The following CELSR1 variants were observed in gnomAD, a reference collection of about 807,000 sequenced individuals.
CELSR1 encodes the protein cadherin EGF LAG seven-pass G-type receptor 1.
A neutral mutation model predicts 249.1 loss-of-function variants in CELSR1; 110 were observed. That is an observed-to-expected ratio of 0.44 (90% confidence interval 0.38 to 0.52). The LOEUF is 0.52. CELSR1 is among the 20% of genes least tolerant of loss of function. The pLI is 0.00. For synonymous variants in CELSR1, 2,113 were observed against 1,900.0 expected (o/e 1.11, Z -2.92); for missense variants, 4,109 against 4,296.4 (o/e 0.96, Z 1.22).
At chr22:46,450,085 C>T (rs2079866338) in intron 2 of CELSR1, among the ~76,000 whole-genome samples, 1 of 152,240 alleles carries the variant, frequency 6.6e-6, no homozygotes, top group African/African-American at 2.4e-5. Context: ...GCAAGGCCCC[C>T]ACCGGAGATA....
chr22:46,399,827 G>A lies in CELSR1; in HGVS notation c.5302C>T (p.Arg1768Trp), dbSNP rs765032369. ...TGGTGCCACTCCCCGTCGGTCACCC[G>A]CAACCCGGACAGCATCACGGACTCC... is the stretch of plus-strand genomic sequence containing the variant. ...DVESVMLSGL[R>W]VTDGEWHHLL... is the part of the protein sequence containing the mutation. The change falls in exon 10 of 35, where the codon CGG becomes TGG. Residue 1768 changes from arginine (R) to tryptophan (W), a missense_variant. Transcript: ENST00000674500. The surrounding 1 kb of genome is among the most constrained non-coding windows in gnomAD (Gnocchi z 5.0). 3.1e-6 allele frequency: 5 copies of A among 1,613,996 alleles called. No individual in the cohort carries two copies. Among genetic ancestry groups the A allele is most frequent in the Admixed American group, 1.7e-5 (1 of 59,996 alleles).
chr22:46,435,125 T>A lies in CELSR1; in HGVS notation c.4522+1049A>T, dbSNP rs193128460. Reference sequence around the variant, plus strand: ...ATGTTTAATGGCCTTGTCGATATATTTTTTTTAAAAGAGACAGAGTCTCGC... The same window carrying A: ...ATGTTTAATGGCCTTGTCGATATATATTTTTTAAAAGAGACAGAGTCTCGC... On this transcript the variant is annotated intron_variant, in intron 4 of 34. Transcript: ENST00000674500. 1.1e-3 allele frequency among the ~76,000 whole-genome samples: 162 copies of A among 152,064 alleles called. 1 individual carries two copies. The highest frequency in any genetic ancestry group is 3.4e-3 in the Middle Eastern group (1 of 294).
rs770227748 is a variant in CELSR1, at chr22:46,396,678, G to A, written c.5770C>T (p.Arg1924Cys). 2.7e-5 allele frequency: 43 copies of A among 1,612,476 alleles called. No homozygotes were observed. Among genetic ancestry groups the A allele is most frequent in the East Asian group, 6.7e-5 (3 of 44,828 alleles). The part of the protein sequence containing the change: ...NPCENMGACV[R>C]SPGSPQGYVC... ...TAGCCCTGCGGGGAGCCGGGGGAGC[G>A]CACGCAGGCCCCCATGTTCTCGCAG... Residue 1924 changes from arginine (R) to cysteine (C), a missense_variant, in exon 13 of 35, where the codon CGC becomes TGC. Transcript: ENST00000674500. The surrounding 1 kb of genome is among the most constrained non-coding windows in gnomAD (Gnocchi z 6.4).
At chr22:46,491,780 G>A (rs928955691) in intron 1 of CELSR1, among the ~76,000 whole-genome samples, 1 of 151,188 alleles carries the variant, frequency 6.6e-6, no homozygotes, top group Non-Finnish European at 1.5e-5. Flanking sequence ...GATTACAGGC[G>A]CACACGCCAC....
chr22:46,537,308 G>A lies in CELSR1; in HGVS notation c.-138C>T, dbSNP rs2080869850. 1 of 951,780 alleles carries A rather than the reference G, an allele frequency of 1.1e-6. No homozygotes were observed. The highest frequency in any genetic ancestry group is 1.3e-6 in the Non-Finnish European group (1 of 796,726). 59.0% of individuals were successfully genotyped at this position (951,780 alleles called of 1,614,324 possible). ...GCGGTCCGCGTCCCGCCTCCCCGGGGGCCCTGGCGGGGACTGTGGGGACCA... is the reference window on the plus strand; with the variant it reads ...GCGGTCCGCGTCCCGCCTCCCCGGGAGCCCTGGCGGGGACTGTGGGGACCA... On this transcript the variant is annotated 5_prime_UTR_variant, in exon 1 of 35. Transcript: ENST00000674500. This position sits in a 1 kb window ranked among gnomAD's most constrained non-coding sequence, Gnocchi z 5.8.
At chr22:46,519,234 G>T (rs955553924) in intron 1 of CELSR1, among the ~76,000 whole-genome samples, 2 of 152,168 alleles carry the variant, frequency 1.3e-5, no homozygotes, top group African/African-American at 2.4e-5. Flanking sequence ...ACACCACTGT[G>T]ATGTTCTAAA....
rs755462987 is a variant in CELSR1 at position 46,463,881 on chromosome 22, G to A, written c.4009C>T (p.Leu1337Phe). 1.9e-6 allele frequency: 3 copies of A among 1,613,190 alleles called. No individual in the cohort carries two copies. Among genetic ancestry groups the A allele is most frequent in the Admixed American group, 3.3e-5 (2 of 59,964 alleles). ...SAPFLSSTTVLFRPIHPINGL... is the reference protein window; with the variant it reads ...SAPFLSSTTVFFRPIHPINGL... ...TTGATGGGGTGGATGGGCCGGAAGAGCACGGTGGTGGAGCTGAGGAAGGGC... is the reference window on the plus strand; with the variant it reads ...TTGATGGGGTGGATGGGCCGGAAGAACACGGTGGTGGAGCTGAGGAAGGGC... The change falls in exon 2 of 35, where the codon CTC becomes TTC. Residue 1337 changes from leucine to phenylalanine, a missense_variant. Leu to Phe is a conservative substitution (Grantham distance 22). Transcript: ENST00000674500.
chr22:46,439,499 C>T lies in CELSR1; in HGVS notation c.4184-88G>A, dbSNP rs953092062. The T allele has an allele frequency of 3.8e-6, 4 of 1,063,198 alleles. No homozygotes were observed. In the African/African-American group the frequency reaches 6.3e-5, roughly 17 times the overall value. 65.9% of individuals were successfully genotyped at this position (1,063,198 alleles called of 1,614,324 possible). A position where few individuals can be genotyped will look rare whatever the true frequency, so the allele number is the denominator to read the frequency against. On this transcript the variant is annotated intron_variant, in intron 2 of 34. Coordinates refer to ENST00000674500, the MANE Select transcript of CELSR1 (RefSeq NM_001378328.1). Reference sequence around the variant, plus strand: ...GCCTGTCGCAGACCCTGGACACACCCCAGCCACACAGTCAGCTGCTGAAAG... The same window carrying T: ...GCCTGTCGCAGACCCTGGACACACCTCAGCCACACAGTCAGCTGCTGAAAG...
rs776041894 is a variant in CELSR1, at chr22:46,367,839, C to T, written c.7969G>A (p.Ala2657Thr). The T allele has an allele frequency of 1.8e-5, 29 of 1,610,378 alleles. No homozygotes were observed. The highest frequency in any genetic ancestry group is 2.7e-5 in the African/African-American group (2 of 75,022). ...KKGIVSLLRTAFLLLLLISAT... is the reference protein window; with the variant it reads ...KKGIVSLLRTTFLLLLLISAT... ...CTGATGAGCAGCAGCAGGAGGAATG[C>T]GGTCCTCAGCAGGGAGCTGCGGGAG... Residue 2657 changes from alanine (A) to threonine (T), a missense_variant, in exon 28 of 35, where the codon GCA (alanine) becomes ACA (threonine). Physicochemically the swap from Ala to Thr is moderately conservative, Grantham distance 58. Coordinates refer to ENST00000674500, the MANE Select transcript of CELSR1 (RefSeq NM_001378328.1).
chr22:46,378,409 G>A (rs1362888347), intron 23 of CELSR1, among the ~76,000 whole-genome samples, 182 bp downstream of exon 23: 6 of 152,162 alleles, frequency 3.9e-5, no homozygotes, highest in Admixed American at 1.3e-4. Flanking sequence ...TGTTTTAATC[G>A]GTTGATTTGT....
At chr22:46,475,763 C>T (rs1374843201) in intron 1 of CELSR1, among the ~76,000 whole-genome samples, 4 of 152,154 alleles carry the variant, frequency 2.6e-5, no homozygotes, top group Non-Finnish European at 4.4e-5. Context: ...ACATAATCTT[C>T]GATAACACTT....
At chr22:46,419,766 ACACT>A (rs2068399612) in intron 5 of CELSR1, among the ~76,000 whole-genome samples, 1 of 148,240 alleles carries the variant, frequency 6.7e-6, no homozygotes, top group South Asian at 2.2e-4. Flanking sequence ...CCACACGTGC[ACACT>A]CACCACTCAC....
chr22:46,533,033 G>A (rs1185400715), intron 1 of CELSR1, among the ~76,000 whole-genome samples: 1 of 152,174 alleles, frequency 6.6e-6, no homozygotes, highest in South Asian at 2.1e-4. Context: ...AGGAGCAGAA[G>A]CCAAGATCAA....
Position 46,380,861 on chromosome 22 carries a change from G to A in CELSR1, c.7183C>T (p.Leu2395=), listed in dbSNP as rs142315389. The change falls in exon 22 of 35, where the codon CTG becomes TTG. Residue 2395 remains leucine (L), a synonymous_variant. Transcript: ENST00000674500. The surrounding 1 kb of genome is among the most constrained non-coding windows in gnomAD (Gnocchi z 5.1). ...ACCTCCAGCAGGGCGAACTCCACCA[G>A]GACGGGCCTCTCCAGGGGTCTCGGG... ...PLPRPLERPV[L]VEFALLEVEE... 2.6e-4 allele frequency: 420 copies of A among 1,612,834 alleles called. No individual in the cohort carries two copies. The African/African-American group carries it at 4.8e-3, about 18-fold the overall frequency.
chr22:46,414,117 C>A (rs894961506), intron 5 of CELSR1, among the ~76,000 whole-genome samples: 1 of 152,166 alleles, frequency 6.6e-6, no homozygotes, highest in African/African-American at 2.4e-5. Flanking sequence ...GCTTGTTTTT[C>A]GAGTGGCACT....
Position 46,372,951 on chromosome 22 carries a change from C to T in CELSR1, c.7691G>A (p.Arg2564His), listed in dbSNP as rs376660692. The T allele has an allele frequency of 3.1e-6, 5 of 1,613,332 alleles. No homozygotes were observed. The highest frequency in any genetic ancestry group is 4.2e-6 in the Non-Finnish European group (5 of 1,179,864). The change falls in exon 25 of 35, where the codon CGC becomes CAC. Residue 2564 changes from arginine (R) to histidine (H), a missense_variant. By Grantham distance (29) the Arg-to-His change is conservative. Transcript: ENST00000674500. Reference sequence around the variant, plus strand: ...CCGCATGGGCCCCGTGTCGATGTTGCGCACCTCGGTCAGCATGCGGTAGAC... The same window carrying T: ...CCGCATGGGCCCCGTGTCGATGTTGTGCACCTCGGTCAGCATGCGGTAGAC... ...LHVYRMLTEV[R>H]NIDTGPMRFY...
In CELSR1 at chr22:46,471,521, C is replaced by A. The variant is rs1267634621; in HGVS notation, c.3545-7176G>T. On this transcript the variant is annotated intron_variant, in intron 1 of 34. Coordinates refer to ENST00000674500, the MANE Select transcript of CELSR1 (RefSeq NM_001378328.1). This position sits in a 1 kb window ranked among gnomAD's most constrained non-coding sequence, Gnocchi z 4.9. ...CCTCCTGCCTCAGCCTCCTGAGAAG[C>A]TAGGACTACAGGAGCATGCCACCAT... 6.6e-6 allele frequency among the ~76,000 whole-genome samples: 1 copy of A among 152,122 alleles called. No homozygotes were observed. The highest frequency in any genetic ancestry group is 2.4e-5 in the African/African-American group (1 of 41,456).
rs775463896 is a variant in CELSR1 at position 46,397,726 on chromosome 22, G to C, written c.5649C>G (p.Pro1883=). Residue 1883 remains proline, a synonymous_variant, in exon 12 of 35, where the codon CCC becomes CCG. Transcript: ENST00000674500. The stretch of plus-strand genomic sequence containing the variant: ...CCCAGGCGTCGTGGCAGCGGCTATT[G>C]GGGGGACAGGGGCTCGAGGTACAGG... The part of the protein sequence containing the change: ...DDPCTSSPCP[P]NSRCHDAWED... 6.3e-7 allele frequency: 1 copy of C among 1,587,024 alleles called. No individual in the cohort carries two copies. The highest frequency in any genetic ancestry group is 1.2e-5 in the South Asian group (1 of 86,870).
intron 19 of CELSR1, 77 bp from the exon 20 acceptor site, chr22:46,384,763 A>G: frequency 7.0e-7 from 1 of 1,423,692 alleles, no homozygotes; most frequent in Non-Finnish European, 9.5e-7. Flanking sequence ...AATGACCACA[A>G]CTGTCACACT....
Sources: gnomAD v4.1 joint callset for allele counts (sites outside exome capture counted in the v4.1 genomes callset) on GRCh38, gnomAD v4.1.1 for gene constraint, Gnocchi (gnomAD v3.1) non-coding constraint, MANE v1.5 for transcripts, NCBI Gene and HGNC (gene_info 2026-07-23, HGNC 2026-07-21) for gene names.